DOCK4: variants seen among roughly 807,000 people sequenced by gnomAD.
DOCK4 encodes the protein dedicator of cytokinesis protein 4.
A neutral mutation model predicts 268.1 loss-of-function variants in DOCK4; 97 were observed. That is an observed-to-expected ratio of 0.36 (90% CI 0.31 to 0.43). The LOEUF is 0.43. Ranked by LOEUF, DOCK4 falls within the 20% of genes least tolerant of loss-of-function variation. DOCK4 has a pLI of 1.00. For synonymous variants in DOCK4, 954 were observed against 887.2 expected, an observed-to-expected ratio of 1.08 and a Z score of -1.34; for missense variants, 2,145 against 2,455.7, an observed-to-expected ratio of 0.87 and a Z score of 2.67.
At chr7:112,058,653 T>C (rs1315588301) in intron 1 of DOCK4, among the ~76,000 whole-genome samples, 7 of 152,062 alleles carry the variant, frequency 4.6e-5, no homozygotes, top group Admixed American at 4.6e-4. Flanking sequence ...GCCTTGATTG[T>C]GGGTTTGTTT....
intron 25 of DOCK4, chr7:111,840,670 C>T: frequency 2.6e-6 from 1 of 389,678 alleles, no homozygotes; most frequent in Non-Finnish European, 4.0e-6. Flanking sequence ...AGTGCTCATG[C>T]TGGTGTGGCT....
At chr7:111,860,362 G>A (rs1805405471) in intron 23 of DOCK4, among the ~76,000 whole-genome samples, 1 of 152,156 alleles carries the variant, frequency 6.6e-6, no homozygotes, top group African/African-American at 2.4e-5. Flanking sequence ...ATGAAGATGG[G>A]CTCCTTCTTG....
chr7:111,939,556 A>G (rs1262508205), intron 11 of DOCK4, among the ~76,000 whole-genome samples: 2 of 151,920 alleles, frequency 1.3e-5, no homozygotes, highest in East Asian at 3.9e-4. Context: ...CTAGTGTTCC[A>G]TTATTGGAAT....
intron 1 of DOCK4, 87 bp downstream of exon 1, chr7:112,206,015 G>A (rs1009235303): frequency 1.9e-5 from 28 of 1,445,682 alleles, no homozygotes; most frequent in Non-Finnish European, 2.6e-5. Context: ...TCAACCGGGC[G>A]GAGCGAGAGG....
intron 22 of DOCK4, among the ~76,000 whole-genome samples, chr7:111,865,915 G>A (rs1348691212): frequency 6.6e-6 from 1 of 152,200 alleles, no homozygotes; most frequent in Non-Finnish European, 1.5e-5. Flanking sequence ...TTAGTCTTCT[G>A]AAAACAAAGA....
intron 1 of DOCK4, among the ~76,000 whole-genome samples, chr7:112,042,264 T>G (rs1804446536): frequency 6.6e-6 from 1 of 152,228 alleles, no homozygotes; most frequent in Non-Finnish European, 1.5e-5. Flanking sequence ...TTCTACTTAC[T>G]AGAACAGACA....
intron 41 of DOCK4, among the ~76,000 whole-genome samples, chr7:111,756,114 C>T (rs539091117): frequency 1.0e-3 from 157 of 152,172 alleles, no homozygotes; most frequent in African/African-American, 3.6e-3. Flanking sequence ...TTTGGGAGGC[C>T]AAGGCAGGCA....
intron 25 of DOCK4, among the ~76,000 whole-genome samples, chr7:111,835,352 T>C (rs1803157071): frequency 6.6e-6 from 1 of 152,228 alleles, no homozygotes; most frequent in African/African-American, 2.4e-5. Context: ...TTTATTCAGA[T>C]GTCTTGGAAG....
chr7:111,921,953 C>G (rs1483420417), intron 12 of DOCK4, among the ~76,000 whole-genome samples: 2 of 152,124 alleles, frequency 1.3e-5, no homozygotes, highest in Non-Finnish European at 2.9e-5. Context: ...TGATTAGGTT[C>G]TATAAAGGTT....
Position 111,783,873 on chromosome 7 carries a change from T to A in DOCK4, c.3508A>T (p.Arg1170Trp). 6.2e-7 allele frequency: 1 copy of A among 1,602,342 alleles called. No homozygotes were observed. Among genetic ancestry groups the A allele is most frequent in the Non-Finnish European group, 8.5e-7 (1 of 1,174,008 alleles). Residue 1170 changes from arginine to tryptophan, a missense_variant, in exon 34 of 53, where the codon AGG (arginine) becomes TGG (tryptophan). Around this residue, in one of 2 missense-constraint regions of DOCK4, gnomAD observed 1,598 missense variants for 1,986.7 expected, o/e 0.80. Transcript: ENST00000428084. ...LIATVTRLME[R>W]LLDYRDCMKM... ...TTGGCTTACCTGTAATCTAACAACC[T>A]CTCCATTAGACGAGTTACAGTAGCA...
intron 1 of DOCK4, among the ~76,000 whole-genome samples, chr7:112,071,131 G>T (rs112037291): frequency 0.022 from 3,303 of 152,218 alleles, 126 homozygotes; most frequent in African/African-American, 0.074. Context: ...AAACCAATTT[G>T]TTCTACAAAA....
intron 1 of DOCK4, among the ~76,000 whole-genome samples, chr7:112,054,700 A>G (rs143958764): frequency 6.6e-6 from 1 of 152,206 alleles, no homozygotes; most frequent in Non-Finnish European, 1.5e-5. Flanking sequence ...ATTAAGTGAA[A>G]GTTGTTCACT....
chr7:111,902,800 C>T (rs563378078), intron 13 of DOCK4, among the ~76,000 whole-genome samples: 10 of 151,898 alleles, frequency 6.6e-5, no homozygotes, highest in East Asian at 1.9e-4. Context: ...AGGGAGGTCT[C>T]GCTCTGTCGC....
Position 112,201,660 on chromosome 7 carries a change from G to C in DOCK4, c.37+4442C>G, listed in dbSNP as rs188891549. Among the ~76,000 whole-genome samples, 10 of 152,140 alleles carry C rather than the reference G, an allele frequency of 6.6e-5. No individual in the cohort carries two copies. In the East Asian group the frequency reaches 1.4e-3, roughly 21 times the overall value. On this transcript the variant is annotated intron_variant, in intron 1 of 52. Transcript: ENST00000428084. ...CACCACTTTAAGGCGGGGTGGGGAG[G>C]GGGGAGGAATGGGGGGGTGTGCTAA...
chr7:111,969,471 C>A (rs1797525136), intron 8 of DOCK4, among the ~76,000 whole-genome samples: 1 of 151,412 alleles, frequency 6.6e-6, no homozygotes, highest in Non-Finnish European at 1.5e-5. Flanking sequence ...GATTTGACTC[C>A]TGTCACATAT....
rs572050793 is a variant in DOCK4 at position 112,059,134 on chromosome 7, CTT to C, written c.38-55005_38-55004del. On this transcript the variant is annotated intron_variant, in intron 1 of 52. Transcript: ENST00000428084. Reference sequence around the variant, plus strand: ...TCATAAAATTATACTGCAGCATTTCCTTTTTTTTTTTTTTTTTTTTTTTTTGA... The same window carrying C: ...TCATAAAATTATACTGCAGCATTTCCTTTTTTTTTTTTTTTTTTTTTTTGA... 2.4e-4 allele frequency among the ~76,000 whole-genome samples: 24 copies of C among 98,990 alleles called. No individual in the cohort carries two copies. In the South Asian group the frequency reaches 4.5e-3, roughly 18 times the overall value. The allele number at this position is 98,990 out of a possible 152,430, so 64.9% of individuals were successfully genotyped here.
At chr7:112,022,808 C>G (rs1690028373) in intron 1 of DOCK4, among the ~76,000 whole-genome samples, 1 of 152,146 alleles carries the variant, frequency 6.6e-6, no homozygotes, top group Admixed American at 6.5e-5. Flanking sequence ...TGCTTATTTT[C>G]TTAATATCCA....
intron 8 of DOCK4, among the ~76,000 whole-genome samples, chr7:111,954,499 C>G (rs1796302533): frequency 6.6e-6 from 1 of 152,166 alleles, no homozygotes. Context: ...AAGATTCTCC[C>G]CAGGGCCTGA....
At chr7:112,050,784 G>A (rs1586721658) in intron 1 of DOCK4, among the ~76,000 whole-genome samples, 1 of 152,062 alleles carries the variant, frequency 6.6e-6, no homozygotes, top group African/African-American at 2.4e-5. Context: ...TTTTTTTACT[G>A]ATTTGAAAGT....
Sources: allele counts gnomAD v4.1 joint callset (sites outside exome capture counted in the v4.1 genomes callset), GRCh38; gene constraint gnomAD v4.1.1; regional missense constraint gnomAD v4.1.1; transcripts MANE v1.5; gene names NCBI Gene and HGNC (gene_info 2026-07-23, HGNC 2026-07-21).